FOXN3: variants seen among roughly 807,000 people sequenced by gnomAD.
The protein encoded by FOXN3 is forkhead box N3.
FOXN3 carries 7 observed loss-of-function variants against 38.4 expected under a neutral mutation model. That is an observed-to-expected ratio of 0.18 (90% confidence interval 0.10 to 0.34). The LOEUF (loss-of-function observed/expected upper bound fraction) is 0.34. FOXN3 is among the 10% of genes least tolerant of loss of function. The probability of loss-of-function intolerance (pLI) is 1.00; values close to 1 mark genes in which losing one functional copy is unlikely to be tolerated. For missense variants in FOXN3, 456 were observed against 613.4 expected (o/e 0.74, Z 2.71); for synonymous variants, 230 against 242.2 (o/e 0.95, Z 0.47).
At chr14:89,197,510 A>G (rs1888128595) in intron 4 of FOXN3, among the ~76,000 whole-genome samples, 1 of 151,882 alleles carries the variant, frequency 6.6e-6, no homozygotes, top group Non-Finnish European at 1.5e-5. Context: ...TGTCAAAAAA[A>G]AAAAAAGAGC....
At chr14:89,307,290 G>A (rs1887405648) in intron 3 of FOXN3, among the ~76,000 whole-genome samples, 1 of 152,128 alleles carries the variant, frequency 6.6e-6, no homozygotes, top group African/African-American at 2.4e-5. Flanking sequence ...AATTCAAAAT[G>A]TTTTTCTTAA....
At chr14:89,268,632 A>G (rs918963559) in intron 4 of FOXN3, among the ~76,000 whole-genome samples, 1 of 152,188 alleles carries the variant, frequency 6.6e-6, no homozygotes, top group Non-Finnish European at 1.5e-5. Context: ...ACCCCAGCAG[A>G]TTCCATGTGC....
intron 5 of FOXN3, among the ~76,000 whole-genome samples, chr14:89,172,754 A>G (rs1343145750): frequency 1.3e-5 from 2 of 152,216 alleles, no homozygotes; most frequent in Non-Finnish European, 2.9e-5. Context: ...TCAGTGGGAA[A>G]AAGAGGGGCT....
chr14:89,224,816 T>C (rs373008814), intron 4 of FOXN3, among the ~76,000 whole-genome samples: 3 of 152,182 alleles, frequency 2.0e-5, no homozygotes, highest in Admixed American at 6.5e-5. Flanking sequence ...CTGGGTAACA[T>C]AGCAAGACCC....
At position 89,180,948 on chromosome 14, in the gene FOXN3, G is replaced by GCACA. The variant is rs1373861475; in HGVS notation, c.746-146_746-143dup. The GCACA allele has an allele frequency of 2.4e-4, 118 of 493,996 alleles. No homozygotes were observed. The African/African-American group carries it at 4.5e-3, about 19-fold the overall frequency. The allele number at this position is 493,996 out of a possible 1,614,324, so 30.6% of individuals were successfully genotyped here. ...CAGAGAGAAACACACACACACACGT[G>GCACA]CACATACACACACACACACACAGTC... On this transcript the variant is annotated intron_variant, in intron 4 of 5. Coordinates refer to ENST00000557258, the MANE Select transcript of FOXN3 (RefSeq NM_005197.4).
At chr14:89,407,452 C>T (rs1274778605) in intron 2 of FOXN3, among the ~76,000 whole-genome samples, 2 of 152,192 alleles carry the variant, frequency 1.3e-5, no homozygotes, top group Non-Finnish European at 2.9e-5. Context: ...TTAGGGGGGA[C>T]TTGAGCATGG....
At chr14:89,165,368 G>A (rs577469392) in intron 5 of FOXN3, among the ~76,000 whole-genome samples, 3 of 152,340 alleles carry the variant, frequency 2.0e-5, no homozygotes, top group East Asian at 1.9e-4. Context: ...GGCTGTTTGT[G>A]GTGCCTGATC....
chr14:89,227,194 T>C (rs1312412802), intron 4 of FOXN3, among the ~76,000 whole-genome samples: 2 of 152,194 alleles, frequency 1.3e-5, no homozygotes, highest in African/African-American at 4.8e-5. Flanking sequence ...AACATGCTGG[T>C]ACCCCTCAGC....
chr14:89,539,425 A>G (rs1440783399), intron 1 of FOXN3, among the ~76,000 whole-genome samples: 2 of 152,258 alleles, frequency 1.3e-5, no homozygotes, highest in African/African-American at 4.8e-5. Context: ...AAAATGATAC[A>G]TAAAACACTC....
rs33964198 is a variant in FOXN3, at chr14:89,426,215, ATTTTTTTTT to A, written c.-14-13734_-14-13726del. Among the ~76,000 whole-genome samples, 682 of 77,584 alleles carry A rather than the reference ATTTTTTTTT, an allele frequency of 8.8e-3. 7 individuals carry two copies. Among genetic ancestry groups the A allele is most frequent in the African/African-American group, 0.035 (644 of 18,366 alleles). The allele number at this position is 77,584 out of a possible 152,430, so 50.9% of individuals were successfully genotyped here. On this transcript the variant is annotated intron_variant, in intron 1 of 6. Transcript: ENST00000345097. ...GACCACAAAAGCACCAGGAGTACTG[ATTTTTTTTT>A]TTTTTTTTTTTTTTTTTGAGACAGG...
chr14:89,378,591 A>G (rs898515982), intron 2 of FOXN3, among the ~76,000 whole-genome samples: 2 of 152,204 alleles, frequency 1.3e-5, no homozygotes, highest in East Asian at 3.8e-4. Flanking sequence ...GACAATTTAA[A>G]TATTTCTTTA....
chr14:89,611,594 C>T (rs368042955), intron 1 of FOXN3, among the ~76,000 whole-genome samples: 1 of 152,254 alleles, frequency 6.6e-6, no homozygotes, highest in African/African-American at 2.4e-5. Context: ...ATCACAAGGT[C>T]AGGAGATCGA....
chr14:89,391,901 G>A (rs6575063), intron 2 of FOXN3, among the ~76,000 whole-genome samples: 29,707 of 152,060 alleles, frequency 0.2, 3,067 homozygotes, highest in South Asian at 0.39. Flanking sequence ...CAGCTACTCA[G>A]GAGGCTGAGG....
chr14:89,426,639 C>T (rs773728077), intron 1 of FOXN3, among the ~76,000 whole-genome samples: 4 of 152,192 alleles, frequency 2.6e-5, no homozygotes, highest in Non-Finnish European at 5.9e-5. Flanking sequence ...TAGCACTTAA[C>T]TGGATGCCAG....
At chr14:89,221,864 C>T (rs1255954990) in intron 4 of FOXN3, among the ~76,000 whole-genome samples, 2 of 151,452 alleles carry the variant, frequency 1.3e-5, no homozygotes, top group Non-Finnish European at 2.9e-5. Context: ...GCTCTGTTGC[C>T]CAGGCTGGAG....
intron 4 of FOXN3, among the ~76,000 whole-genome samples, chr14:89,227,996 C>A (rs79944894): frequency 6.6e-6 from 1 of 152,180 alleles, no homozygotes; most frequent in Non-Finnish European, 1.5e-5. Flanking sequence ...CACCTCAGCC[C>A]CCCAAAGTGC....
At chr14:89,262,750 T>A (rs911251370) in intron 4 of FOXN3, among the ~76,000 whole-genome samples, 19 of 151,002 alleles carry the variant, frequency 1.3e-4, no homozygotes, top group African/African-American at 4.6e-4. Context: ...TTTTTTTTTA[T>A]TACAACACAT....
chr14:89,253,495 A>C (rs1859447987), intron 4 of FOXN3, among the ~76,000 whole-genome samples: 1 of 152,304 alleles, frequency 6.6e-6, no homozygotes, highest in African/African-American at 2.4e-5. Flanking sequence ...GACTGGACTG[A>C]AGAAACCTTA....
intron 3 of FOXN3, among the ~76,000 whole-genome samples, chr14:89,283,205 C>T (rs774189992): frequency 5.9e-5 from 9 of 152,112 alleles, no homozygotes; most frequent in East Asian, 1.9e-4. Flanking sequence ...TTAGAAGATC[C>T]GAGGATTTAT....
Sources: allele counts gnomAD v4.1 joint callset (sites outside exome capture counted in the v4.1 genomes callset), GRCh38; gene constraint gnomAD v4.1.1; transcripts MANE v1.5; gene names NCBI Gene and HGNC (gene_info 2026-07-23, HGNC 2026-07-21).